Variants in CARS2 observed in about 807,000 individuals in gnomAD.
CARS2 encodes the protein probable cysteine--tRNA ligase, mitochondrial.
Under a neutral mutation model 68.8 loss-of-function variants are expected in CARS2, and 52 were observed. The observed-to-expected ratio is 0.76, with a 90% CI of 0.61 to 0.95. The LOEUF is 0.95. CARS2 is among the 40% of genes least tolerant of loss of function. CARS2 has a pLI of 0.00. For synonymous variants in CARS2, 314 were observed against 303.6 expected (o/e 1.03, Z -0.36); for missense variants, 780 against 754.2 (o/e 1.03, Z -0.40).
At chr13:110,708,740 A>G (rs2064003157), upstream of CARS2, among the ~76,000 whole-genome samples, 3 of 147,284 alleles carry the variant, frequency 2.0e-5, no homozygotes, top group South Asian at 6.3e-4. Context: ...TAATTTTTGC[A>G]TTTTTATTTT....
rs762665326 is a variant in CARS2 at position 110,663,446 on chromosome 13, GTTACC to G, written c.987_987+4del. ...CTCAGAGATACAATACAAAAAGCAC[GTTACC>G]TTAATAGTAATGTAGTTCTTTAATG... On this transcript the variant is annotated splice_donor_variant and splice_donor_region_variant and coding_sequence_variant and intron_variant, in exon 9 of 15. Transcript: ENST00000257347. LOFTEE classifies it high-confidence loss of function. 6.2e-7 allele frequency: 1 copy of G among 1,611,882 alleles called. No individual in the cohort carries two copies. The highest frequency in any genetic ancestry group is 1.1e-5 in the South Asian group (1 of 90,738).
chr13:110,698,294 C>T (rs868862156), intron 3 of CARS2, among the ~76,000 whole-genome samples: 8 of 150,308 alleles, frequency 5.3e-5, no homozygotes, highest in Non-Finnish European at 7.4e-5. Flanking sequence ...CCGAGGAGGG[C>T]GGATCACCTG....
At chr13:110,667,129 A>G (rs1215022862) in intron 8 of CARS2, among the ~76,000 whole-genome samples, 1 of 152,244 alleles carries the variant, frequency 6.6e-6, no homozygotes, top group East Asian at 1.9e-4. Flanking sequence ...CATTTTCCAT[A>G]TTCTAGTCAG....
intron 9 of CARS2, among the ~76,000 whole-genome samples, chr13:110,662,233 G>A (rs973341774): frequency 2.1e-4 from 26 of 126,596 alleles, no homozygotes; most frequent in Non-Finnish European, 4.0e-4. Flanking sequence ...GCAACCCCAC[G>A]GCCGGGTTCG....
At chr13:110,660,837 C>T (rs548698808) in intron 9 of CARS2, among the ~76,000 whole-genome samples, 2 of 150,858 alleles carry the variant, frequency 1.3e-5, no homozygotes, top group East Asian at 3.9e-4. Context: ...TCTCAGCTCA[C>T]TGCAACCTCC....
At chr13:110,706,156 C>A, upstream of CARS2, 2 of 1,187,586 alleles carry the variant, frequency 1.7e-6, no homozygotes, top group Non-Finnish European at 2.1e-6. Context: ...CTGCCGGTCG[C>A]TCAAGAGCAG....
intron 3 of CARS2, among the ~76,000 whole-genome samples, chr13:110,697,314 G>C (rs575699945): frequency 6.6e-6 from 1 of 152,368 alleles, no homozygotes; most frequent in South Asian, 2.1e-4. Flanking sequence ...TGGGGGTAAG[G>C]ATGTGAAGAA....
chr13:110,659,497 CTTTT>C (rs34169536), intron 9 of CARS2, among the ~76,000 whole-genome samples: 7 of 147,782 alleles, frequency 4.7e-5, no homozygotes, highest in Non-Finnish European at 7.5e-5. Flanking sequence ...CCCAGATCTC[CTTTT>C]TTTTTTTTGT....
chr13:110,674,380 T>C (rs2062886149), intron 7 of CARS2, among the ~76,000 whole-genome samples: 1 of 142,838 alleles, frequency 7.0e-6, no homozygotes, highest in Non-Finnish European at 1.6e-5. Flanking sequence ...TATAGACCAA[T>C]GGAACAGAAC....
chr13:110,692,352 TC>T (rs1405019392), intron 3 of CARS2, among the ~76,000 whole-genome samples: 1 of 151,618 alleles, frequency 6.6e-6, no homozygotes, highest in Non-Finnish European at 1.5e-5. Flanking sequence ...ATGTCTGTAA[TC>T]CTGGCTACTC....
At chr13:110,664,878 G>T in intron 8 of CARS2, 1 of 522,508 alleles carries the variant, frequency 1.9e-6, no homozygotes, top group Non-Finnish European at 2.5e-6. Context: ...CCGAGACACC[G>T]AGTCTGCCAG....
intron 3 of CARS2, among the ~76,000 whole-genome samples, chr13:110,690,430 A>G (rs1237407792): frequency 6.6e-6 from 1 of 152,044 alleles, no homozygotes; most frequent in Non-Finnish European, 1.5e-5. Flanking sequence ...TTTTCTTGGA[A>G]TCCCCAAATG....
intron 1 of CARS2, chr13:110,713,096 CT>C: frequency 2.8e-6 from 4 of 1,439,540 alleles, no homozygotes; most frequent in Non-Finnish European, 3.6e-6. Context: ...TCCCGGAGGA[CT>C]TGGGTTTCTA....
rs558254593 is a variant in CARS2, at chr13:110,642,376, G to C, written c.1562C>G (p.Pro521Arg). 3.2e-6 allele frequency: 5 copies of C among 1,561,288 alleles called. No homozygotes were observed. In the East Asian group the frequency reaches 1.2e-4, roughly 37 times the overall value. ...ARRQQLLERQPLLEACDTLRR... is the reference protein window; with the variant it reads ...ARRQQLLERQRLLEACDTLRR... ...CAGGGTGTCGCATGCTTCCAGCAGG[G>C]GCTGCCTTTCTAGGAGCTGCTGCCG... Residue 521 changes from proline to arginine, a missense_variant, in exon 14 of 15, where the codon CCC (proline) becomes CGC (arginine). Transcript: ENST00000257347.
Position 110,646,032 on chromosome 13 carries a change from T to C in CARS2, c.1252A>G (p.Arg418Gly), listed in dbSNP as rs1888066533. ...AGGCCCAGGATGGCATCAACCACCC[T>C]GGGTGTGTCAAAATCATCTGCCAAG... ...AALADDFDTPRVVDAILGLAH... is the reference protein window; with the variant it reads ...AALADDFDTPGVVDAILGLAH... Residue 418 changes from arginine (R) to glycine (G), a missense_variant, in exon 12 of 15, where the codon AGG becomes GGG. Physicochemically the swap from Arg to Gly is moderately radical, Grantham distance 125 (BLOSUM62 -2). Transcript: ENST00000257347. The C allele has an allele frequency of 6.2e-7, 1 of 1,613,830 alleles. No homozygotes were observed. Among genetic ancestry groups the C allele is most frequent in the Non-Finnish European group, 8.5e-7 (1 of 1,179,920 alleles).
rs2062727497 is a variant in CARS2 at position 110,668,968 on chromosome 13, C to T, written c.786-1495G>A. On this transcript the variant is annotated intron_variant, in intron 7 of 14. Transcript: ENST00000257347. This position sits in a 1 kb window ranked among gnomAD's most constrained non-coding sequence, Gnocchi z 4.1. ...TGAATCTAAAAAATGAATCTACAAC[C>T]CAGTTTATATGCCATAGTCTGCTAT... Among the ~76,000 whole-genome samples, 3 of 152,164 alleles carry T rather than the reference C, an allele frequency of 2.0e-5. No homozygotes were observed. Among genetic ancestry groups the T allele is most frequent in the African/African-American group, 7.2e-5 (3 of 41,442 alleles).
chr13:110,712,727 G>A (rs1005708358), intron 1 of CARS2: 1 of 696,462 alleles, frequency 1.4e-6, no homozygotes, highest in Admixed American at 2.0e-5. Context: ...TTCCAAGTGT[G>A]GGGAGCGGCC....
At chr13:110,710,416 A>T (rs1418703307), upstream of CARS2, among the ~76,000 whole-genome samples, 1 of 152,190 alleles carries the variant, frequency 6.6e-6, no homozygotes, top group Admixed American at 6.5e-5. Context: ...TTCATCTCTT[A>T]TATCTGACTC....
At chr13:110,664,794 G>A (rs1282616121) in intron 8 of CARS2, 1 of 351,538 alleles carries the variant, frequency 2.8e-6, no homozygotes, top group East Asian at 1.7e-4. Context: ...GAGCCAGTGT[G>A]AATGGAATCA....
Sources: allele counts gnomAD v4.1 joint callset (sites outside exome capture counted in the v4.1 genomes callset), GRCh38; gene constraint gnomAD v4.1.1; non-coding constraint Gnocchi (gnomAD v3.1); transcripts MANE v1.5; gene names NCBI Gene and HGNC (gene_info 2026-07-23, HGNC 2026-07-21).